NEO1: variants seen among roughly 807,000 people sequenced by gnomAD.
NEO1 encodes the protein neogenin.
In NEO1, 63 loss-of-function variants were observed where a neutral mutation model predicts 159.7. The ratio of observed to expected loss-of-function variants is 0.39; its 90% CI spans 0.32 to 0.49. The LOEUF is 0.49. Among genes scored for constraint, NEO1 ranks in the 20% least tolerant of loss-of-function variants. NEO1 has a pLI of 0.85. For synonymous variants in NEO1, 633 were observed against 662.0 expected, an observed-to-expected ratio of 0.96 and a Z score of 0.67; for missense variants, 1,615 against 1,831.0, an observed-to-expected ratio of 0.88 and a Z score of 2.15.
intron 16 of NEO1, among the ~76,000 whole-genome samples, chr15:73,268,427 G>A (rs752542422): frequency 6.6e-6 from 1 of 152,090 alleles, no homozygotes; most frequent in Non-Finnish European, 1.5e-5. Context: ...ATTTCTACAA[G>A]AATTCTAATG....
intron 7 of NEO1, among the ~76,000 whole-genome samples, chr15:73,227,461 ACTC>A (rs1349889697): frequency 1.3e-5 from 2 of 152,154 alleles, no homozygotes; most frequent in Non-Finnish European, 2.9e-5. Flanking sequence ...ACACCACTGC[ACTC>A]CAGCCTGGGC....
intron 15 of NEO1, among the ~76,000 whole-genome samples, chr15:73,265,771 T>C (rs901227586): frequency 3.0e-4 from 46 of 152,168 alleles, no homozygotes; most frequent in African/African-American, 1.1e-3. Flanking sequence ...AGCAGCTGTT[T>C]TAAGCTTTTG....
intron 5 of NEO1, among the ~76,000 whole-genome samples, chr15:73,174,731 T>A (rs11632433): frequency 6.6e-6 from 1 of 152,128 alleles, no homozygotes; most frequent in Non-Finnish European, 1.5e-5. Context: ...CCAAAAGCTC[T>A]TATATATAGA....
intron 4 of NEO1, among the ~76,000 whole-genome samples, chr15:73,127,263 C>G (rs2030414567): frequency 6.6e-6 from 1 of 151,824 alleles, no homozygotes; most frequent in Non-Finnish European, 1.5e-5. Context: ...ATTCCTCATC[C>G]TGTTGTTTTT....
At chr15:73,245,641 C>T (rs971285939) in intron 9 of NEO1, among the ~76,000 whole-genome samples, 25 of 150,850 alleles carry the variant, frequency 1.7e-4, no homozygotes, top group Admixed American at 6.6e-4. Context: ...GTGGCACAGT[C>T]TCTGCTCACT....
At chr15:73,162,042 A>T (rs2034221175) in intron 5 of NEO1, 3 of 238,524 alleles carry the variant, frequency 1.3e-5, no homozygotes, top group Non-Finnish European at 2.5e-5. Context: ...TTTTGGTTTG[A>T]TTTTTGTGCA....
At chr15:73,102,823 A>T (rs893935468) in intron 1 of NEO1, among the ~76,000 whole-genome samples, 1 of 151,982 alleles carries the variant, frequency 6.6e-6, no homozygotes, top group African/African-American at 2.4e-5. Context: ...TTCATTCTGA[A>T]TCTCTCCTGA....
intron 7 of NEO1, among the ~76,000 whole-genome samples, chr15:73,194,710 C>T (rs556465610): frequency 4.6e-5 from 7 of 152,184 alleles, no homozygotes; most frequent in East Asian, 1.9e-4. Flanking sequence ...AACATCCAGA[C>T]GATATCAGGC....
At chr15:73,219,853 C>T (rs1416832678) in intron 7 of NEO1, among the ~76,000 whole-genome samples, 1 of 149,620 alleles carries the variant, frequency 6.7e-6, no homozygotes, top group Admixed American at 6.7e-5. Flanking sequence ...ATACAGCACA[C>T]TGATGGGTCT....
chr15:73,257,618 A>G (rs1280074447), intron 13 of NEO1, among the ~76,000 whole-genome samples: 1 of 152,220 alleles, frequency 6.6e-6, no homozygotes, highest in Non-Finnish European at 1.5e-5. Flanking sequence ...TTATTGTTAT[A>G]GCACTAAACA....
At chr15:73,053,010 G>C (rs1012649434) in intron 1 of NEO1, among the ~76,000 whole-genome samples, 2 of 151,818 alleles carry the variant, frequency 1.3e-5, no homozygotes, top group African/African-American at 4.8e-5. Context: ...GGCGGCTGCC[G>C]GGGGGCAGGT....
intron 5 of NEO1, among the ~76,000 whole-genome samples, chr15:73,160,799 A>G (rs2034119148): frequency 6.6e-6 from 1 of 152,142 alleles, no homozygotes; most frequent in Non-Finnish European, 1.5e-5. Context: ...CGCTCTCCCA[A>G]ACCCTGTCCT....
In NEO1 at chr15:73,120,159, T is replaced by G. The variant is rs543148052; in HGVS notation, c.449-2366T>G. The stretch of plus-strand genomic sequence containing the variant: ...TCATAAAAAAAATTAATTAATTAAT[T>G]TAATTTAATTTAATTTAATTAAAAT... On this transcript the variant is annotated intron_variant, in intron 2 of 28. Coordinates refer to ENST00000261908, the MANE Select transcript of NEO1 (RefSeq NM_002499.4). 2.7e-5 allele frequency among the ~76,000 whole-genome samples: 4 copies of G among 150,844 alleles called. No individual in the cohort carries two copies. The East Asian group carries it at 7.7e-4, about 29-fold the overall frequency.
Position 73,249,702 on chromosome 15 carries a change from T to C in NEO1, c.1875T>C (p.Ala625=), listed in dbSNP as rs761669797. The part of the protein sequence containing the change: ...HGPGVSTPDV[A]VRTLSDVPSA... ...CTGGAGTTTCCACACCAGATGTTGC[T>C]GTTCGAACATTGTCAGATGGTGAGT... The change falls in exon 11 of 29, where the codon GCT becomes GCC. Residue 625 remains alanine, a synonymous_variant. Coordinates refer to ENST00000261908, the MANE Select transcript of NEO1 (RefSeq NM_002499.4). 8.1e-6 allele frequency: 13 copies of C among 1,611,472 alleles called. No individual in the cohort carries two copies. The highest frequency in any genetic ancestry group is 1.0e-5 in the Non-Finnish European group (12 of 1,179,358).
intron 7 of NEO1, among the ~76,000 whole-genome samples, chr15:73,202,040 C>G (rs1186047273): frequency 6.7e-6 from 1 of 148,182 alleles, no homozygotes. Context: ...CTCAGCTCAC[C>G]ACAACCTCCA....
chr15:73,260,682 A>C lies in NEO1; in HGVS notation c.2398+217A>C, dbSNP rs112355455. On this transcript the variant is annotated intron_variant, in intron 15 of 28. Transcript: ENST00000261908. ...TTTAGACTTGGCTTAATATTTCTTCATTACATTCAGGTTTTGCATTTTTGG... is the reference window on the plus strand; with the variant it reads ...TTTAGACTTGGCTTAATATTTCTTCCTTACATTCAGGTTTTGCATTTTTGG... Among the ~76,000 whole-genome samples, 554 of 152,198 alleles carry C rather than the reference A, an allele frequency of 3.6e-3. 3 individuals carry two copies. The highest frequency in any genetic ancestry group is 0.013 in the African/African-American group (525 of 41,520).
At chr15:73,216,345 G>A (rs2037882362) in intron 7 of NEO1, among the ~76,000 whole-genome samples, 1 of 152,022 alleles carries the variant, frequency 6.6e-6, no homozygotes, top group African/African-American at 2.4e-5. Flanking sequence ...TTGGACATTT[G>A]GGTTGGTTCC....
intron 5 of NEO1, among the ~76,000 whole-genome samples, chr15:73,145,800 T>G (rs1383785089): frequency 6.6e-6 from 1 of 152,186 alleles, no homozygotes; most frequent in Non-Finnish European, 1.5e-5. Context: ...ATCTTCCTCT[T>G]GAGGCCTTCT....
At chr15:73,206,836 TGTG>T (rs1331940184) in intron 7 of NEO1, among the ~76,000 whole-genome samples, 1,124 of 8,938 alleles carry the variant, frequency 0.13, 15 homozygotes, top group East Asian at 0.46. Flanking sequence ...TGTGTGTGTA[TGTG>T]TGTGTGTGCG....
Sources: allele counts gnomAD v4.1 joint callset (sites outside exome capture counted in the v4.1 genomes callset), GRCh38; gene constraint gnomAD v4.1.1; transcripts MANE v1.5; gene names NCBI Gene and HGNC (gene_info 2026-07-23, HGNC 2026-07-21).